The following SEM1 variants were observed in gnomAD, a reference collection of about 807,000 sequenced individuals.
SEM1 encodes the protein SEM1 26S proteasome subunit.
In SEM1, 3 loss-of-function variants were observed where a neutral mutation model predicts 12.7. The ratio of observed to expected loss-of-function variants is 0.24; its 90% CI spans 0.11 to 0.61. The LOEUF (loss-of-function observed/expected upper bound fraction) is 0.61, where lower values mean the gene tolerates loss of function less well. Among genes scored for constraint, SEM1 ranks in the 20% least tolerant of loss-of-function variants. The probability of loss-of-function intolerance (pLI) is 0.88; values close to 1 mark genes in which losing one functional copy is unlikely to be tolerated. For synonymous variants in SEM1, 30 were observed against 27.8 expected (o/e 1.08, Z -0.25); for missense variants, 59 against 81.3 (o/e 0.73, Z 1.06).
At chr7:96,678,118 ATAT>A (rs1427668578) in intron 2 of SEM1, among the ~76,000 whole-genome samples, 1 of 152,144 alleles carries the variant, frequency 6.6e-6, no homozygotes, top group African/African-American at 2.4e-5. Context: ...ATGTTTCCTA[ATAT>A]CTAGCAAATA....
At chr7:96,552,579 C>G (rs543571548) in intron 2 of SEM1, among the ~76,000 whole-genome samples, 16 of 147,194 alleles carry the variant, frequency 1.1e-4, no homozygotes, top group African/African-American at 3.7e-4. Flanking sequence ...TTTTCTTAAT[C>G]CAGTCTATCA....
downstream of SEM1, among the ~76,000 whole-genome samples, chr7:96,669,971 T>G (rs1563105583): frequency 1.3e-5 from 2 of 152,202 alleles, no homozygotes; most frequent in Non-Finnish European, 2.9e-5. Context: ...CATAGTCCTT[T>G]ACCTCCTTTA....
intron 2 of SEM1, among the ~76,000 whole-genome samples, chr7:96,589,148 G>C (rs1806749630): frequency 6.6e-6 from 1 of 152,148 alleles, no homozygotes; most frequent in Admixed American, 6.5e-5. Context: ...CTGTTGACCT[G>C]GTCTCTCAGC....
In SEM1 at chr7:96,707,112, C is replaced by T. The variant is rs530409826; in HGVS notation, c.76+2576G>A. Among the ~76,000 whole-genome samples the T allele has an allele frequency of 3.3e-4, 51 of 152,254 alleles. 2 individuals are homozygous for T. The South Asian group carries it at 6.0e-3, about 18-fold the overall frequency. ...ATCTCTCTTAGGAATCCTGGTAAAG[C>T]CCACACTGATTAAGTAGGTCTAGGT... On this transcript the variant is annotated intron_variant, in intron 1 of 2. Transcript: ENST00000248566.
At chr7:96,631,492 T>A (rs564754892) in intron 2 of SEM1, among the ~76,000 whole-genome samples, 1 of 149,816 alleles carries the variant, frequency 6.7e-6, no homozygotes, top group East Asian at 2.0e-4. Flanking sequence ...TGTCACAGGA[T>A]GAGGGAGGGG....
At chr7:96,643,572 T>C (rs545502440) in intron 2 of SEM1, among the ~76,000 whole-genome samples, 2 of 152,064 alleles carry the variant, frequency 1.3e-5, no homozygotes, top group East Asian at 3.9e-4. Flanking sequence ...CCATTAATGA[T>C]AGACTGGCTA....
chr7:96,641,870 C>T (rs1180178716), intron 2 of SEM1, among the ~76,000 whole-genome samples: 1 of 151,192 alleles, frequency 6.6e-6, no homozygotes, highest in Admixed American at 6.6e-5. Context: ...GATTTTTTTT[C>T]CAAACAAAAT....
rs189533034 is a variant in SEM1 at position 96,612,631 on chromosome 7, G to T, written c.170+82167C>A. 3.5e-3 allele frequency among the ~76,000 whole-genome samples: 527 copies of T among 151,980 alleles called. 3 individuals carry two copies. The highest frequency in any genetic ancestry group is 0.011 in the African/African-American group (473 of 41,468). On this transcript the variant is annotated intron_variant and NMD_transcript_variant, in intron 2 of 3. Coordinates refer to the SEM1 transcript ENST00000466986. Reference sequence around the variant, plus strand: ...GTTGTTTTTGTTGTTGTTGCTTTTGGTTTTTTTTGTTGTTTATACAGAGTC... The same window carrying T: ...GTTGTTTTTGTTGTTGTTGCTTTTGTTTTTTTTTGTTGTTTATACAGAGTC...
At chr7:96,485,536 CT>C (rs61088450) in intron 2 of SEM1, among the ~76,000 whole-genome samples, 850 of 76,606 alleles carry the variant, frequency 0.011, 6 homozygotes, top group African/African-American at 0.04. Context: ...TCTCTACATT[CT>C]TTTTTTTTTT....
intron 2 of SEM1, among the ~76,000 whole-genome samples, chr7:96,658,153 T>A (rs944825261): frequency 1.8e-4 from 27 of 152,076 alleles, no homozygotes; most frequent in Non-Finnish European, 4.0e-4. Context: ...GGATGGGATG[T>A]GTGATTCAGT....
chr7:96,681,735 T>C (rs1789619568), intron 2 of SEM1, among the ~76,000 whole-genome samples: 1 of 152,178 alleles, frequency 6.6e-6, no homozygotes, highest in Non-Finnish European at 1.5e-5. Flanking sequence ...TTCTGTTCCA[T>C]TGGTTTACAT....
At chr7:96,653,532 A>C (rs1809069890) in intron 2 of SEM1, among the ~76,000 whole-genome samples, 1 of 152,230 alleles carries the variant, frequency 6.6e-6, no homozygotes, top group Non-Finnish European at 1.5e-5. Flanking sequence ...GCCAGGACCC[A>C]GCAATGGGAA....
intron 2 of SEM1, among the ~76,000 whole-genome samples, chr7:96,678,627 C>A (rs1789515451): frequency 6.6e-6 from 1 of 152,044 alleles, no homozygotes; most frequent in Non-Finnish European, 1.5e-5. Context: ...AAGAGGGTTG[C>A]CTAGAGCCTC....
At chr7:96,622,943 T>G (rs1049625991) in intron 2 of SEM1, 8 of 326,748 alleles carry the variant, frequency 2.4e-5, no homozygotes, top group African/African-American at 1.3e-4. Flanking sequence ...TTAATTTTAT[T>G]TCAATTCACC....
chr7:96,656,852 A>AATAT (rs57916069), intron 2 of SEM1, among the ~76,000 whole-genome samples: 2 of 144,696 alleles, frequency 1.4e-5, no homozygotes, highest in African/African-American at 2.5e-5. Flanking sequence ...TATAATGTTA[A>AATAT]ATATATATAT....
At chr7:96,617,079 G>GA (rs1563084545) in intron 2 of SEM1, among the ~76,000 whole-genome samples, 3 of 151,938 alleles carry the variant, frequency 2.0e-5, no homozygotes, top group East Asian at 3.9e-4. Flanking sequence ...CTAATTCTCT[G>GA]AAAAAATGTC....
chr7:96,693,095 A>G (rs1317514666), intron 2 of SEM1, among the ~76,000 whole-genome samples: 1 of 152,092 alleles, frequency 6.6e-6, no homozygotes, highest in African/African-American at 2.4e-5. Flanking sequence ...TATAGAGCCA[A>G]TAAAAAAAAA....
chr7:96,666,316 G>A (rs1008155708), intron 2 of SEM1, among the ~76,000 whole-genome samples: 2 of 152,168 alleles, frequency 1.3e-5, no homozygotes, highest in African/African-American at 4.8e-5. Flanking sequence ...ATGGACAACA[G>A]AACTAGAGTC....
At chr7:96,681,574 A>G (rs1190348143) in intron 2 of SEM1, among the ~76,000 whole-genome samples, 1 of 152,110 alleles carries the variant, frequency 6.6e-6, no homozygotes, top group Non-Finnish European at 1.5e-5. Flanking sequence ...AGGTGTAAGG[A>G]AGGGATCCAG....
Sources: allele counts gnomAD v4.1 joint callset (sites outside exome capture counted in the v4.1 genomes callset), GRCh38; gene constraint gnomAD v4.1.1; transcripts MANE v1.5; gene names NCBI Gene and HGNC (gene_info 2026-07-23, HGNC 2026-07-21).